SPRR2G: variants seen among roughly 807,000 people sequenced by gnomAD.
The protein encoded by SPRR2G is small proline rich protein 2G.
A neutral mutation model predicts 0.7 loss-of-function variants in SPRR2G; 1 was observed. The observed-to-expected ratio is 1.49, with a 90% CI of 0.53 to 7.06. SPRR2G has a LOEUF of 7.06. Ranked by LOEUF, SPRR2G falls within the 30% of genes most tolerant of loss-of-function variation. The probability of loss-of-function intolerance (pLI) is 0.14; values close to 1 mark genes in which losing one functional copy is unlikely to be tolerated. For missense variants in SPRR2G, 96 were observed against 88.5 expected (o/e 1.09, Z -0.34); for synonymous variants, 38 against 33.9 (o/e 1.12, Z -0.42).
At chr1:153,175,837 C>G in the SPRR2G span, among the ~76,000 whole-genome samples, 1 of 152,294 alleles carries the variant, frequency 6.6e-6, no homozygotes, top group African/African-American at 2.4e-5. Context: ...GTAATCCCAA[C>G]ACTTTGGGAG....
Position 153,149,921 on chromosome 1 carries a change from A to G in SPRR2G, c.190T>C (p.Cys64Arg), listed in dbSNP as rs748778610. 31 of 1,613,874 alleles carry G rather than the reference A, an allele frequency of 1.9e-5. No homozygotes were observed. The African/African-American group carries it at 3.5e-4, about 18-fold the overall frequency. ...CTCTTGGGTGGATACTTCTGCTGGC[A>G]GGGTGGGTATGGTTGCACAGGAGGG... ...KCPPVQPYPPCQQKYPPKSK is the reference protein window; with the variant it reads ...KCPPVQPYPPRQQKYPPKSK The change falls in exon 2 of 2, where the codon TGC (cysteine) becomes CGC (arginine). Residue 64 changes from cysteine to arginine, a missense_variant. By Grantham distance (180) the Cys-to-Arg change is radical. Transcript: ENST00000368748.
At chr1:153,194,798 A>G in the SPRR2G span, among the ~76,000 whole-genome samples, 1 of 152,198 alleles carries the variant, frequency 6.6e-6, no homozygotes, top group East Asian at 1.9e-4. Flanking sequence ...TCCTTGGTGC[A>G]GCCCCAGAGA....
At chr1:153,172,903 T>C in the SPRR2G span, among the ~76,000 whole-genome samples, 2 of 152,194 alleles carry the variant, frequency 1.3e-5, no homozygotes, top group African/African-American at 4.8e-5. Context: ...ACCACTTTTT[T>C]CAAGGTGGGG....
upstream of SPRR2G, among the ~76,000 whole-genome samples, chr1:153,151,666 T>G (rs983161726): frequency 6.6e-6 from 1 of 152,242 alleles, no homozygotes; most frequent in Non-Finnish European, 1.5e-5. Context: ...CCTTAATGTA[T>G]GTGCTGCATC....
the SPRR2G span, among the ~76,000 whole-genome samples, chr1:153,164,517 T>A: frequency 6.6e-6 from 1 of 152,138 alleles, no homozygotes; most frequent in African/African-American, 2.4e-5. Context: ...AATACAGTCA[T>A]CCCTCAGTAT....
At chr1:153,198,316 T>C in the SPRR2G span, among the ~76,000 whole-genome samples, 1 of 152,206 alleles carries the variant, frequency 6.6e-6, no homozygotes, top group Non-Finnish European at 1.5e-5. Context: ...CCAAGAGCCT[T>C]GGGCCTCATC....
the SPRR2G span, among the ~76,000 whole-genome samples, chr1:153,189,170 T>C: frequency 6.6e-6 from 1 of 152,250 alleles, no homozygotes; most frequent in Non-Finnish European, 1.5e-5. Flanking sequence ...GTTTTTCTTT[T>C]ACATTTGAAA....
chr1:153,173,423 T>C, the SPRR2G span, among the ~76,000 whole-genome samples: 1 of 151,684 alleles, frequency 6.6e-6, no homozygotes, highest in East Asian at 1.9e-4. Context: ...AGGGAAATGA[T>C]GGAGGCTCTA....
At chr1:153,169,090 T>C in the SPRR2G span, among the ~76,000 whole-genome samples, 3 of 151,912 alleles carry the variant, frequency 2.0e-5, no homozygotes, top group South Asian at 6.2e-4. Context: ...GAATGAGAGG[T>C]TGGAAGTGCC....
At chr1:153,163,255 T>A in the SPRR2G span, among the ~76,000 whole-genome samples, 5 of 152,194 alleles carry the variant, frequency 3.3e-5, no homozygotes, top group African/African-American at 1.2e-4. Flanking sequence ...TGTGTGCACA[T>A]GTGATTGATA....
the SPRR2G span, among the ~76,000 whole-genome samples, chr1:153,201,252 T>C: frequency 6.6e-6 from 1 of 151,946 alleles, no homozygotes; most frequent in African/African-American, 2.4e-5. Context: ...CTGCCAGGAG[T>C]GCTGACCTTT....
At chr1:153,160,376 G>T in the SPRR2G span, among the ~76,000 whole-genome samples, 1 of 152,184 alleles carries the variant, frequency 6.6e-6, no homozygotes, top group Non-Finnish European at 1.5e-5. Context: ...ACATGAGAAT[G>T]CAGCTATCTC....
chr1:153,185,599 T>A, the SPRR2G span, among the ~76,000 whole-genome samples: 7 of 152,142 alleles, frequency 4.6e-5, no homozygotes, highest in Non-Finnish European at 2.9e-5. Context: ...TGTTTGATTC[T>A]TCTCTCTTTT....
At chr1:153,174,134 T>G in the SPRR2G span, among the ~76,000 whole-genome samples, 1 of 152,210 alleles carries the variant, frequency 6.6e-6, no homozygotes, top group African/African-American at 2.4e-5. Context: ...ACAAAAGCTT[T>G]GATCAGACCT....
the SPRR2G span, among the ~76,000 whole-genome samples, chr1:153,177,373 C>T: frequency 6.6e-6 from 1 of 152,180 alleles, no homozygotes; most frequent in East Asian, 1.9e-4. Flanking sequence ...AGGGGCAGAG[C>T]TTCTTGGTCA....
the SPRR2G span, among the ~76,000 whole-genome samples, chr1:153,169,454 C>A: frequency 1.3e-5 from 2 of 151,834 alleles, no homozygotes; most frequent in Non-Finnish European, 2.9e-5. Context: ...TAGTCCCAGC[C>A]ACTCGGGAGA....
At chr1:153,171,523 G>C in the SPRR2G span, among the ~76,000 whole-genome samples, 19 of 152,206 alleles carry the variant, frequency 1.2e-4, no homozygotes, top group African/African-American at 4.6e-4. Context: ...CACTGCACAT[G>C]CCACCGCTTT....
Position 153,149,838 on chromosome 1 carries a change from G to A in SPRR2G, c.*51C>T, listed in dbSNP as rs761613805. The A allele has an allele frequency of 4.4e-6, 7 of 1,601,914 alleles. No homozygotes were observed. Among genetic ancestry groups the A allele is most frequent in the South Asian group, 3.3e-5 (3 of 90,740 alleles). On this transcript the variant is annotated 3_prime_UTR_variant, in exon 2 of 2. Coordinates refer to ENST00000368748, the MANE Select transcript of SPRR2G (RefSeq NM_001014291.4). ...GAAGATGATGGAGTCCTGGGAGTAA[G>A]AAGAGCCACTGGATCTTGTTGTTTC...
chr1:153,188,705 A>G, the SPRR2G span, among the ~76,000 whole-genome samples: 2 of 152,098 alleles, frequency 1.3e-5, no homozygotes, highest in Admixed American at 1.3e-4. Context: ...CTGGGGCACC[A>G]GGCACCACTG....
Sources: allele counts gnomAD v4.1 joint callset (sites outside exome capture counted in the v4.1 genomes callset), GRCh38; gene constraint gnomAD v4.1.1; transcripts MANE v1.5; gene names NCBI Gene and HGNC (gene_info 2026-07-23, HGNC 2026-07-21).